Variants in IKZF3 observed in about 807,000 individuals in gnomAD.
IKZF3 encodes IKAROS family zinc finger 3.
In IKZF3, 10 loss-of-function variants were observed where a neutral mutation model predicts 49.0. That is an observed-to-expected ratio of 0.20 (90% CI 0.13 to 0.35). The LOEUF (loss-of-function observed/expected upper bound fraction) is 0.35. Among genes scored for constraint, IKZF3 ranks in the 10% least tolerant of loss-of-function variants. The pLI is 1.00. For synonymous variants in IKZF3, 209 were observed against 228.2 expected (o/e 0.92, Z 0.76); for missense variants, 498 against 664.8 (o/e 0.75, Z 2.76).
chr17:39,850,200 A>G (rs1449613945), intron 1 of IKZF3, among the ~76,000 whole-genome samples: 3 of 140,184 alleles, frequency 2.1e-5, no homozygotes, highest in East Asian at 4.0e-4. Context: ...ATGTATGTAT[A>G]TATACTATAT....
chr17:39,860,619 A>G (rs1235437393), intron 1 of IKZF3, among the ~76,000 whole-genome samples: 1 of 152,226 alleles, frequency 6.6e-6, no homozygotes. Context: ...ACAGAAAACC[A>G]AATACCGCAT....
chr17:39,769,026 G>GTA (rs2143607201), intron 7 of IKZF3, among the ~76,000 whole-genome samples: 1 of 152,292 alleles, frequency 6.6e-6, no homozygotes, highest in East Asian at 1.9e-4. Flanking sequence ...TTTCTCCTTA[G>GTA]TATGATCCAG....
chr17:39,764,256 G>A lies in IKZF3; in HGVS notation c.*1534C>T, dbSNP rs1391069619. On this transcript the variant is annotated 3_prime_UTR_variant, in exon 8 of 8. Transcript: ENST00000346872. ...AGGCGGGCTGATTGCTTGAGCCCAG[G>A]AGTTCAAGACCAGCATGGGCAACAT... 6.6e-6 allele frequency: 1 copy of A among 152,150 alleles called. No homozygotes were observed. Among genetic ancestry groups the A allele is most frequent in the African/African-American group, 2.4e-5 (1 of 41,404 alleles). 9.4% of individuals were successfully genotyped at this position (152,150 alleles called of 1,614,324 possible). A position where few individuals can be genotyped will look rare whatever the true frequency, so the allele number is the denominator to read the frequency against.
At chr17:39,804,679 A>G (rs2061395908) in intron 3 of IKZF3, among the ~76,000 whole-genome samples, 1 of 152,160 alleles carries the variant, frequency 6.6e-6, no homozygotes, top group Non-Finnish European at 1.5e-5. Context: ...TTCTTTGCCC[A>G]TTGTGGTCTG....
At chr17:39,858,984 A>T (rs758621475) in intron 1 of IKZF3, among the ~76,000 whole-genome samples, 2 of 151,668 alleles carry the variant, frequency 1.3e-5, no homozygotes, top group Non-Finnish European at 2.9e-5. Context: ...TTTTATTATT[A>T]TTTTTTATGA....
At chr17:39,851,533 C>A (rs934248450) in intron 1 of IKZF3, among the ~76,000 whole-genome samples, 9 of 151,978 alleles carry the variant, frequency 5.9e-5, no homozygotes, top group Non-Finnish European at 8.8e-5. Context: ...TCTCAAAAAT[C>A]TATTGAGGAA....
chr17:39,861,085 T>C (rs2063202861), intron 1 of IKZF3, among the ~76,000 whole-genome samples: 1 of 152,194 alleles, frequency 6.6e-6, no homozygotes, highest in Admixed American at 6.5e-5. Flanking sequence ...TCAGCACTAT[T>C]TTAATTGAAT....
rs922244746 is a variant in IKZF3, at chr17:39,762,034, C to T, written c.*3756G>A. 2.0e-5 allele frequency: 3 copies of T among 152,284 alleles called. No individual in the cohort carries two copies. Among genetic ancestry groups the T allele is most frequent in the African/African-American group, 7.2e-5 (3 of 41,450 alleles). 9.4% of individuals were successfully genotyped at this position (152,284 alleles called of 1,614,324 possible). A position where few individuals can be genotyped will look rare whatever the true frequency, so the allele number is the denominator to read the frequency against. On this transcript the variant is annotated 3_prime_UTR_variant, in exon 8 of 8. Transcript: ENST00000346872. Reference sequence around the variant, plus strand: ...GCATGGGTTTGGTTGTTCCTCAGACCGTGGCCTCCTGGGTGTATGGTGGAA... The same window carrying T: ...GCATGGGTTTGGTTGTTCCTCAGACTGTGGCCTCCTGGGTGTATGGTGGAA...
chr17:39,816,390 A>G (rs2061678995), intron 3 of IKZF3, among the ~76,000 whole-genome samples: 3 of 152,258 alleles, frequency 2.0e-5, no homozygotes, highest in Admixed American at 2.0e-4. Flanking sequence ...CAATAAATGT[A>G]TACACTAGGT....
chr17:39,789,695 T>C (rs1300233000), intron 5 of IKZF3, among the ~76,000 whole-genome samples: 1 of 144,810 alleles, frequency 6.9e-6, no homozygotes, highest in Non-Finnish European at 1.5e-5. Context: ...GCCGCTGTAC[T>C]CCAGCCTGGG....
chr17:39,796,884 T>C (rs2061178054), intron 3 of IKZF3, among the ~76,000 whole-genome samples: 1 of 147,676 alleles, frequency 6.8e-6, no homozygotes, highest in African/African-American at 2.5e-5. Flanking sequence ...ACACAGGTGG[T>C]CCAGGAGCGG....
intron 3 of IKZF3, among the ~76,000 whole-genome samples, chr17:39,820,962 C>T (rs987915416): frequency 2.0e-5 from 3 of 152,190 alleles, no homozygotes; most frequent in Non-Finnish European, 4.4e-5. Flanking sequence ...GGAAGCTCCA[C>T]GTCACCCCTT....
intron 1 of IKZF3, among the ~76,000 whole-genome samples, chr17:39,860,250 TA>T (rs5820305): frequency 1.1e-3 from 150 of 138,554 alleles, no homozygotes; most frequent in African/African-American, 1.9e-3. Flanking sequence ...AAAATAATAA[TA>T]AAAAAAAAAA....
chr17:39,854,733 G>A lies in IKZF3; in HGVS notation c.7+9387C>T, dbSNP rs1183949838. On this transcript the variant is annotated intron_variant, in intron 1 of 7. Coordinates refer to ENST00000346872, the MANE Select transcript of IKZF3 (RefSeq NM_012481.5). The stretch of plus-strand genomic sequence containing the variant: ...AGGAGAAGTTGGTTTGGATTGGAGA[G>A]AAAATTAGTTCATTTTTGGACTTGT... Among the ~76,000 whole-genome samples, 4 of 152,114 alleles carry A rather than the reference G, an allele frequency of 2.6e-5. No individual in the cohort carries two copies. The South Asian group carries it at 8.3e-4, about 31-fold the overall frequency.
At chr17:39,834,814 G>A (rs2062216925) in intron 1 of IKZF3, among the ~76,000 whole-genome samples, 1 of 152,224 alleles carries the variant, frequency 6.6e-6, no homozygotes. Context: ...GGGTATCCCA[G>A]GCAGTAAACT....
intron 7 of IKZF3, among the ~76,000 whole-genome samples, chr17:39,768,839 C>T (rs1052779490): frequency 6.6e-6 from 1 of 152,012 alleles, no homozygotes; most frequent in Non-Finnish European, 1.5e-5. Context: ...TCACTTTCCA[C>T]AAGTAGAAGG....
At chr17:39,844,614 G>A (rs183780679) in intron 1 of IKZF3, among the ~76,000 whole-genome samples, 13 of 151,346 alleles carry the variant, frequency 8.6e-5, no homozygotes, top group Admixed American at 7.3e-4. Context: ...CATTTTTTTG[G>A]GGGGGACAGA....
chr17:39,823,838 T>C (rs978343971), intron 3 of IKZF3, among the ~76,000 whole-genome samples: 3 of 152,220 alleles, frequency 2.0e-5, no homozygotes, highest in African/African-American at 4.8e-5. Flanking sequence ...AAACATCGGA[T>C]GTCCAGACAG....
intron 1 of IKZF3, among the ~76,000 whole-genome samples, chr17:39,842,060 C>CAA (rs1491414621): frequency 4.9e-5 from 1 of 20,314 alleles, no homozygotes; most frequent in African/African-American, 2.0e-4. Flanking sequence ...AAAAAAAAAA[C>CAA]CAGATAAAAT....
Sources: allele counts gnomAD v4.1 joint callset (sites outside exome capture counted in the v4.1 genomes callset), GRCh38; gene constraint gnomAD v4.1.1; transcripts MANE v1.5; gene names NCBI Gene and HGNC (gene_info 2026-07-23, HGNC 2026-07-21).